The following CCDC7 variants were observed in gnomAD, a reference collection of about 807,000 sequenced individuals.
CCDC7 encodes the protein coiled-coil domain containing 7.
In CCDC7, 183 loss-of-function variants were observed where a neutral mutation model predicts 196.9. The observed-to-expected ratio is 0.93, with a 90% CI of 0.82 to 1.05. The LOEUF is 1.05. Ranked by LOEUF, CCDC7 falls within the 50% of genes least tolerant of loss-of-function variation. The pLI is 0.00. For missense variants in CCDC7, 1,540 were observed against 1,482.2 expected (o/e 1.04, Z -0.64); for synonymous variants, 525 against 484.6 (o/e 1.08, Z -1.10).
chr10:32,587,902 C>T (rs2059438367), intron 18 of CCDC7, among the ~76,000 whole-genome samples: 1 of 152,156 alleles, frequency 6.6e-6, no homozygotes, highest in African/African-American at 2.4e-5. Flanking sequence ...CCTAAAAGTT[C>T]ATGTGCTGGA....
At chr10:32,468,041 T>C (rs563825216) in intron 5 of CCDC7, among the ~76,000 whole-genome samples, 1 of 152,330 alleles carries the variant, frequency 6.6e-6, no homozygotes, top group East Asian at 1.9e-4. Context: ...TTTGTTCTTT[T>C]TGCTTTGGAT....
chr10:32,647,993 T>A (rs1165023894), intron 20 of CCDC7, among the ~76,000 whole-genome samples: 2 of 152,252 alleles, frequency 1.3e-5, no homozygotes, highest in African/African-American at 4.8e-5. Flanking sequence ...CCATTTTGAG[T>A]TGATACTCAT....
At chr10:32,821,405 G>A (rs540277573) in intron 31 of CCDC7, among the ~76,000 whole-genome samples, 2 of 152,256 alleles carry the variant, frequency 1.3e-5, no homozygotes, top group South Asian at 2.1e-4. Context: ...TCAGTGTGGC[G>A]ATTCTTCAGG....
Position 32,492,009 on chromosome 10 carries a change from TG to T in CCDC7, c.872+13del. On this transcript the variant is annotated intron_variant, in intron 9 of 41. Transcript: ENST00000639629. ...AATATGTTGGAGAGGTAAGCTTTTT[TG>T]TTTTTGCATTTTATTATTTTTCTAT... 1 of 1,523,612 alleles carries T rather than the reference TG, an allele frequency of 6.6e-7. No individual in the cohort carries two copies. Among genetic ancestry groups the T allele is most frequent in the Non-Finnish European group, 8.7e-7 (1 of 1,143,246 alleles). The allele number at this position is 1,523,612 out of a possible 1,614,324, so 94.4% of individuals were successfully genotyped here.
At chr10:32,603,414 T>C (rs1472796763) in intron 18 of CCDC7, among the ~76,000 whole-genome samples, 1 of 152,126 alleles carries the variant, frequency 6.6e-6, no homozygotes, top group Non-Finnish European at 1.5e-5. Flanking sequence ...GTACACAGGA[T>C]GGTGTAGGTA....
At chr10:32,693,448 T>G (rs1464561288) in intron 23 of CCDC7, among the ~76,000 whole-genome samples, 1 of 152,160 alleles carries the variant, frequency 6.6e-6, no homozygotes, top group African/African-American at 2.4e-5. Flanking sequence ...GCATTCAAGT[T>G]TTCCCCTTCG....
downstream of CCDC7, chr10:32,876,472 C>G (rs573809952): frequency 2.2e-6 from 3 of 1,369,302 alleles, no homozygotes. Flanking sequence ...GTATAGAAGC[C>G]TTTTGAAAAT....
intron 30 of CCDC7, among the ~76,000 whole-genome samples, chr10:32,808,172 A>T (rs1565564664): frequency 6.6e-6 from 1 of 152,162 alleles, no homozygotes; most frequent in Non-Finnish European, 1.5e-5. Context: ...CCTGCCTGCC[A>T]AAGCATGTGC....
At chr10:32,511,391 A>G (rs2046178464) in intron 9 of CCDC7, 3 of 1,609,876 alleles carry the variant, frequency 1.9e-6, no homozygotes, top group East Asian at 2.2e-5. Flanking sequence ...ATTTTTTACA[A>G]ATCTTGAAGC....
At chr10:32,506,299 C>T (rs61595313) in intron 9 of CCDC7, among the ~76,000 whole-genome samples, 7,480 of 149,294 alleles carry the variant, frequency 0.05, 586 homozygotes, top group African/African-American at 0.18. Flanking sequence ...AGACGATGGG[C>T]GGCCAGGCAG....
intron 3 of CCDC7, among the ~76,000 whole-genome samples, chr10:32,460,827 A>G (rs2035474407): frequency 6.6e-6 from 1 of 152,112 alleles, no homozygotes; most frequent in South Asian, 2.1e-4. Context: ...CCACTTCTAG[A>G]ATTTCTGATT....
chr10:32,482,287 T>TAC (rs1179997241), intron 8 of CCDC7, among the ~76,000 whole-genome samples: 5 of 152,068 alleles, frequency 3.3e-5, no homozygotes, highest in African/African-American at 1.2e-4. Flanking sequence ...GCTTTTAGTG[T>TAC]ACCCATCACC....
At chr10:32,564,384 G>A (rs4016791) in intron 13 of CCDC7, among the ~76,000 whole-genome samples, 120,458 of 152,020 alleles carry the variant, frequency 0.79, 48,280 homozygotes, top group South Asian at 0.85. Context: ...CACAATAGCA[G>A]AGACTTGGAA....
intron 29 of CCDC7, among the ~76,000 whole-genome samples, chr10:32,782,708 G>T (rs1472864923): frequency 6.6e-6 from 1 of 152,176 alleles, no homozygotes; most frequent in Non-Finnish European, 1.5e-5. Flanking sequence ...TTTGAAAAAG[G>T]AGAATAAATT....
At chr10:32,582,106 CTATATATA>C (rs6143863) in intron 16 of CCDC7, among the ~76,000 whole-genome samples, 2,155 of 103,742 alleles carry the variant, frequency 0.021, 96 homozygotes, top group African/African-American at 0.049. Context: ...ACTGTCAGCA[CTATATATA>C]TATATATATA....
intron 41 of CCDC7, among the ~76,000 whole-genome samples, chr10:32,868,721 C>T (rs2094306534): frequency 8.7e-6 from 1 of 115,320 alleles, no homozygotes; most frequent in African/African-American, 3.3e-5. Flanking sequence ...ATCCCCCCTC[C>T]CCCCACCCCA....
intron 23 of CCDC7, among the ~76,000 whole-genome samples, chr10:32,693,872 G>A (rs1242660178): frequency 6.6e-6 from 1 of 152,152 alleles, no homozygotes; most frequent in Non-Finnish European, 1.5e-5. Context: ...TCGAGGGCTG[G>A]CTCCCCCCTT....
intron 29 of CCDC7, among the ~76,000 whole-genome samples, chr10:32,779,702 A>ACT (rs2080733690): frequency 1.3e-5 from 2 of 152,134 alleles, no homozygotes; most frequent in Non-Finnish European, 2.9e-5. Context: ...AAACATCCAA[A>ACT]CTCTCATTCC....
In CCDC7 at chr10:32,673,653, ACG is replaced by A. The variant is rs1491225979; in HGVS notation, c.2122+9493_2122+9494del. 5.3e-3 allele frequency among the ~76,000 whole-genome samples: 638 copies of A among 120,630 alleles called. 1 individual carries two copies. Among genetic ancestry groups the A allele is most frequent in the African/African-American group, 8.9e-3 (204 of 22,806 alleles). The allele number at this position is 120,630 out of a possible 152,430, so 79.1% of individuals were successfully genotyped here. On this transcript the variant is annotated intron_variant, in intron 21 of 41. Coordinates refer to ENST00000639629, the Ensembl canonical transcript of CCDC7. The stretch of plus-strand genomic sequence containing the variant: ...AATTTATTAGTTCTAACCATTGTGC[ACG>A]TGTGTGTGTGTGTGTGTGTGTGTGT...
Sources: gnomAD v4.1 joint callset for allele counts (sites outside exome capture counted in the v4.1 genomes callset) on GRCh38, gnomAD v4.1.1 for gene constraint, MANE v1.5 for transcripts, NCBI Gene and HGNC (gene_info 2026-07-23, HGNC 2026-07-21) for gene names.